GUCY1A1: variants seen among roughly 807,000 people sequenced by gnomAD.
GUCY1A1 encodes the protein guanylate cyclase soluble subunit alpha-1.
GUCY1A1 carries 48 observed loss-of-function variants against 64.5 expected under a neutral mutation model. That is an observed-to-expected ratio of 0.74 (90% CI 0.59 to 0.95). The LOEUF (loss-of-function observed/expected upper bound fraction) is 0.95, where lower values mean the gene tolerates loss of function less well. Among genes scored for constraint, GUCY1A1 ranks in the 40% least tolerant of loss-of-function variants. The probability of loss-of-function intolerance (pLI) is 0.00; values close to 1 mark genes in which losing one functional copy is unlikely to be tolerated. For missense variants in GUCY1A1, 804 were observed against 825.3 expected (o/e 0.97, Z 0.32); for synonymous variants, 308 against 303.4 (o/e 1.02, Z -0.16).
chr4:155,703,956 C>G lies in GUCY1A1; in HGVS notation c.280C>G (p.Gln94Glu), dbSNP rs745524568. ...PEFERLNVAL[Q>E]RTLAKHKIKE... Reference sequence around the variant, plus strand: ...GTTTGAACGGCTGAATGTTGCACTTCAGAGAACATTGGCAAAGCACAAAAT... The same window carrying G: ...GTTTGAACGGCTGAATGTTGCACTTGAGAGAACATTGGCAAAGCACAAAAT... The change falls in exon 4 of 10, where the codon CAG becomes GAG. Residue 94 changes from glutamine (Q) to glutamate (E), a missense_variant. Coordinates refer to ENST00000506455, the MANE Select transcript of GUCY1A1 (RefSeq NM_001130682.3). The G allele has an allele frequency of 1.9e-6, 3 of 1,608,104 alleles. No homozygotes were observed. The highest frequency in any genetic ancestry group is 2.6e-6 in the Non-Finnish European group (3 of 1,176,456).
At chr4:155,715,184 C>G (rs1172402800) in intron 7 of GUCY1A1, among the ~76,000 whole-genome samples, 1 of 145,262 alleles carries the variant, frequency 6.9e-6, no homozygotes, top group African/African-American at 2.6e-5. Context: ...ACTTTTTTTT[C>G]ACTTCTGATT....
At chr4:155,721,901 T>C in intron 8 of GUCY1A1, 137 bp from the exon 9 acceptor site, 1 of 683,656 alleles carries the variant, frequency 1.5e-6, no homozygotes, top group Admixed American at 2.4e-5. Flanking sequence ...TAGAGGGAAG[T>C]TGGCTGAAGG....
chr4:155,729,125 T>C (rs1212534436), intron 9 of GUCY1A1, among the ~76,000 whole-genome samples: 1 of 151,854 alleles, frequency 6.6e-6, no homozygotes, highest in African/African-American at 2.4e-5. Context: ...TTCTATTTAA[T>C]GTAGACATGA....
chr4:155,717,680 C>T (rs189510946), intron 8 of GUCY1A1, among the ~76,000 whole-genome samples: 1 of 152,266 alleles, frequency 6.6e-6, no homozygotes, highest in African/African-American at 2.4e-5. Context: ...CAGGAAACTG[C>T]CATGTTCAGA....
intron 2 of GUCY1A1, among the ~76,000 whole-genome samples, chr4:155,696,164 T>G (rs1398989865): frequency 6.6e-6 from 1 of 152,218 alleles, no homozygotes; most frequent in Non-Finnish European, 1.5e-5. Flanking sequence ...TTAAATTGCT[T>G]TACCATTTAA....
In GUCY1A1 at chr4:155,733,909, A is replaced by T. The variant is rs945727557; in HGVS notation, c.*3678A>T. On this transcript the variant is annotated 3_prime_UTR_variant, in exon 10 of 10. Coordinates refer to ENST00000506455, the MANE Select transcript of GUCY1A1 (RefSeq NM_001130682.3). ...ACATCAAGGGAAAATGATTCATTTT[A>T]TATCCTGGATATTTTACCATAAGTA... Among the ~76,000 whole-genome samples, 6 of 151,862 alleles carry T rather than the reference A, an allele frequency of 4.0e-5. No individual in the cohort carries two copies. The highest frequency in any genetic ancestry group is 7.4e-5 in the Non-Finnish European group (5 of 67,882).
At chr4:155,670,521 C>G (rs1208955873) in intron 2 of GUCY1A1, among the ~76,000 whole-genome samples, 2 of 152,072 alleles carry the variant, frequency 1.3e-5, no homozygotes, top group Non-Finnish European at 2.9e-5. Flanking sequence ...TGGGTTCATG[C>G]CAATAGGCTT....
Position 155,710,867 on chromosome 4 carries a change from G to C in GUCY1A1, c.702G>C (p.Ser234=), listed in dbSNP as rs545740746. 1.9e-6 allele frequency: 3 copies of C among 1,613,844 alleles called. No homozygotes were observed. The African/African-American group carries it at 4.0e-5, about 22-fold the overall frequency. Reference sequence around the variant, plus strand: ...TATATGAAACGGAAGTGGAAGTGTCGTTAATGCCTCCCTGCTTCCATAATG... The same window carrying C: ...TATATGAAACGGAAGTGGAAGTGTCCTTAATGCCTCCCTGCTTCCATAATG... ...HVLYETEVEV[S]LMPPCFHNDC... The change falls in exon 6 of 10, where the codon TCG becomes TCC. Residue 234 remains serine (S), a synonymous_variant. Transcript: ENST00000506455.
rs761687160 is a variant in GUCY1A1, at chr4:155,708,279, C to T, written c.361C>T (p.Gln121Ter). The T allele has an allele frequency of 3.2e-6, 5 of 1,540,120 alleles. No homozygotes were observed. The highest frequency in any genetic ancestry group is 2.2e-5 in the South Asian group (2 of 89,242). The change falls in exon 5 of 10, where the codon CAA becomes TAA. Residue 121 changes from glutamine (Q) to a stop codon, truncating the protein, a stop_gained. Transcript: ENST00000506455. LOFTEE classifies it high-confidence loss of function. ...REDFEKTIAE[Q>*]AVAAGVPVEV... Reference sequence around the variant, plus strand: ...AGACTTTGAAAAAACAATTGCAGAGCAAGCAGTTGCAGCAGGTAATAGAAT... The same window carrying T: ...AGACTTTGAAAAAACAATTGCAGAGTAAGCAGTTGCAGCAGGTAATAGAAT...
intron 9 of GUCY1A1, among the ~76,000 whole-genome samples, chr4:155,727,070 A>G (rs929930352): frequency 1.3e-5 from 2 of 151,998 alleles, no homozygotes; most frequent in African/African-American, 2.4e-5. Flanking sequence ...AAGAAGGAAC[A>G]AAGTGAATAA....
chr4:155,688,293 A>G (rs2126670260), intron 2 of GUCY1A1, among the ~76,000 whole-genome samples: 1 of 151,834 alleles, frequency 6.6e-6, no homozygotes, highest in East Asian at 1.9e-4. Flanking sequence ...GGGTGTGTGT[A>G]TGTAAGTATG....
rs1735791155 is a variant in GUCY1A1 at position 155,733,781 on chromosome 4, T to C, written c.*3550T>C. ...AGCATCAAGTCTTAAAGGAAGAGAA[T>C]GGTATGATCAGATGTGTGTTTTCCA... On this transcript the variant is annotated 3_prime_UTR_variant, in exon 10 of 10. Transcript: ENST00000506455. 6.6e-6 allele frequency among the ~76,000 whole-genome samples: 1 copy of C among 151,046 alleles called. No homozygotes were observed. The highest frequency in any genetic ancestry group is 2.4e-5 in the African/African-American group (1 of 41,090).
In GUCY1A1 at chr4:155,733,775, A is replaced by G. The variant is rs939209001; in HGVS notation, c.*3544A>G. On this transcript the variant is annotated 3_prime_UTR_variant, in exon 10 of 10. Transcript: ENST00000506455. ...AAGAGAAGCATCAAGTCTTAAAGGA[A>G]GAGAATGGTATGATCAGATGTGTGT... Among the ~76,000 whole-genome samples the G allele has an allele frequency of 1.3e-5, 2 of 151,628 alleles. No homozygotes were observed. Among genetic ancestry groups the G allele is most frequent in the Admixed American group, 1.3e-4 (2 of 15,168 alleles).
chr4:155,724,361 C>A (rs13139571), intron 9 of GUCY1A1, among the ~76,000 whole-genome samples: 33,655 of 152,056 alleles, frequency 0.22, 3,788 homozygotes, highest in Middle Eastern at 0.28. Flanking sequence ...CTACAATTTT[C>A]AATTTCTGCT....
rs1735987456 is a variant in GUCY1A1, at chr4:155,735,698, A to G, written c.*5467A>G. The G allele has an allele frequency of 6.6e-6, 1 of 151,984 alleles. No homozygotes were observed. Among genetic ancestry groups the G allele is most frequent in the Non-Finnish European group, 1.5e-5 (1 of 67,942 alleles). The allele number at this position is 151,984 out of a possible 1,614,324, so 9.4% of individuals were successfully genotyped here. A position where few individuals can be genotyped will look rare whatever the true frequency, so the allele number is the denominator to read the frequency against. Reference sequence around the variant, plus strand: ...CTGAAATGCTGCCAAATCCATCTGTATTGAGGAAAGAGCTATGAGGTAGTT... The same window carrying G: ...CTGAAATGCTGCCAAATCCATCTGTGTTGAGGAAAGAGCTATGAGGTAGTT... On this transcript the variant is annotated 3_prime_UTR_variant, in exon 10 of 10. Transcript: ENST00000506455.
Position 155,731,582 on chromosome 4 carries a change from C to A in GUCY1A1, c.*1351C>A, listed in dbSNP as rs567330485. On this transcript the variant is annotated 3_prime_UTR_variant, in exon 10 of 10. Coordinates refer to ENST00000506455, the MANE Select transcript of GUCY1A1 (RefSeq NM_001130682.3). The stretch of plus-strand genomic sequence containing the variant: ...TTTTAGTTAGGTCAGTTGAAGTTCT[C>A]TGGTGAACTAAAAAATCTACATTTT... 2 of 151,830 alleles carry A rather than the reference C, an allele frequency of 1.3e-5. No homozygotes were observed. The highest frequency in any genetic ancestry group is 4.8e-5 in the African/African-American group (2 of 41,486). The allele number at this position is 151,830 out of a possible 1,614,324, so 9.4% of individuals were successfully genotyped here.
chr4:155,673,623 T>A (rs76879077), intron 2 of GUCY1A1, among the ~76,000 whole-genome samples: 12,838 of 151,362 alleles, frequency 0.085, 915 homozygotes, highest in South Asian at 0.22. Context: ...AGGGATCAGA[T>A]GTGTGTGTGG....
chr4:155,730,087 A>T lies in GUCY1A1; in HGVS notation c.1929A>T (p.Pro643=). 4.3e-6 allele frequency: 7 copies of T among 1,611,134 alleles called. No homozygotes were observed. Among genetic ancestry groups the T allele is most frequent in the Non-Finnish European group, 5.9e-6 (7 of 1,177,776 alleles). ...VFTPRSREEL[P]PNFPSEIPGI... ...CCCCTCGATCAAGGGAGGAACTTCCACCAAACTTCCCTAGTGAAATCCCCG... is the reference window on the plus strand; with the variant it reads ...CCCCTCGATCAAGGGAGGAACTTCCTCCAAACTTCCCTAGTGAAATCCCCG... Residue 643 remains proline, a synonymous_variant, in exon 10 of 10, where the codon CCA becomes CCT. Transcript: ENST00000506455.
At chr4:155,720,758 T>G (rs916236607) in intron 8 of GUCY1A1, among the ~76,000 whole-genome samples, 1 of 152,200 alleles carries the variant, frequency 6.6e-6, no homozygotes, top group African/African-American at 2.4e-5. Flanking sequence ...TATATCCAAG[T>G]TACTGAGTTC....
Sources: gnomAD v4.1 joint callset for allele counts (sites outside exome capture counted in the v4.1 genomes callset) on GRCh38, gnomAD v4.1.1 for gene constraint, MANE v1.5 for transcripts, NCBI Gene and HGNC (gene_info 2026-07-23, HGNC 2026-07-21) for gene names.